FXYD5: variants seen among roughly 807,000 people sequenced by gnomAD.
FXYD5 encodes FXYD domain-containing ion transport regulator 5.
A neutral mutation model predicts 25.7 loss-of-function variants in FXYD5; 21 were observed. The ratio of observed to expected loss-of-function variants is 0.82; its 90% CI spans 0.58 to 1.18. FXYD5 has a LOEUF of 1.18. Ranked by LOEUF, FXYD5 falls within the 50% of genes most tolerant of loss-of-function variation. FXYD5 has a pLI of 0.00. For missense variants in FXYD5, 229 were observed against 227.7 expected (o/e 1.01, Z -0.04); for synonymous variants, 101 against 90.7 (o/e 1.11, Z -0.64).
intron 8 of FXYD5, among the ~76,000 whole-genome samples, chr19:35,166,943 G>T (rs1440951381): frequency 6.6e-6 from 1 of 152,288 alleles, no homozygotes; most frequent in East Asian, 1.9e-4. Context: ...CCCAGGCCTG[G>T]CAGGGAACAA....
chr19:35,169,229 C>G (rs1490757243), intron 8 of FXYD5, among the ~76,000 whole-genome samples: 1 of 152,184 alleles, frequency 6.6e-6, no homozygotes, highest in African/African-American at 2.4e-5. Context: ...TGTAATTTTT[C>G]TCCTTGTTGG....
rs190731984 is a variant in FXYD5, at chr19:35,159,440, C to T, written c.199+1040C>T. The T allele has an allele frequency of 7.5e-5, 115 of 1,525,952 alleles. No individual in the cohort carries two copies. The East Asian group carries it at 2.2e-3, about 29-fold the overall frequency. The allele number at this position is 1,525,952 out of a possible 1,614,324, so 94.5% of individuals were successfully genotyped here. A position where few individuals can be genotyped will look rare whatever the true frequency, so the allele number is the denominator to read the frequency against. The stretch of plus-strand genomic sequence containing the variant: ...AGCTTGCTTTGTTTCTTCGTGCAGT[C>T]GTATGTTTGGAAGTTCTTCTCACAT... On this transcript the variant is annotated intron_variant, in intron 4 of 8. Coordinates refer to ENST00000392219, the MANE Select transcript of FXYD5 (RefSeq NM_014164.6).
chr19:35,161,106 G>T, intron 5 of FXYD5, among the ~76,000 whole-genome samples: 1 of 152,110 alleles, frequency 6.6e-6, no homozygotes, highest in Non-Finnish European at 1.5e-5. Flanking sequence ...CTTTCTGTCA[G>T]TTCCCCTCGG....
In FXYD5 at chr19:35,163,900, G is replaced by C. The variant is rs985131852; in HGVS notation, c.293-256G>C. On this transcript the variant is annotated intron_variant, in intron 5 of 8. Coordinates refer to ENST00000392219, the MANE Select transcript of FXYD5 (RefSeq NM_014164.6). ...TTATAGTGTGGGCCAGAAGGTCCTAGGAGAGGGGTCTGGAGTCCCTCGGGG... is the reference window on the plus strand; with the variant it reads ...TTATAGTGTGGGCCAGAAGGTCCTACGAGAGGGGTCTGGAGTCCCTCGGGG... 4 of 1,139,944 alleles carry C rather than the reference G, an allele frequency of 3.5e-6. No individual in the cohort carries two copies. The African/African-American group carries it at 6.3e-5, about 18-fold the overall frequency. 70.6% of individuals were successfully genotyped at this position (1,139,944 alleles called of 1,614,324 possible).
chr19:35,160,912 A>C (rs2065399254), intron 5 of FXYD5, 111 bp downstream of exon 5: 1 of 682,352 alleles, frequency 1.5e-6, no homozygotes. Flanking sequence ...AATTGTTAAT[A>C]CATTTAAAAA....
intron 8 of FXYD5, among the ~76,000 whole-genome samples, chr19:35,168,354 AAGAGAGGGGTGGGG>A (rs1308405048): frequency 6.6e-6 from 1 of 152,284 alleles, no homozygotes; most frequent in East Asian, 1.9e-4. Flanking sequence ...AGTGACAGGG[AAGAGAGGGGTGGGG>A]AGAGAAGCCC....
At chr19:35,160,627 T>G in intron 4 of FXYD5, 82 bp from the exon 5 acceptor site, 32 of 922,794 alleles carry the variant, frequency 3.5e-5, no homozygotes, top group Non-Finnish European at 5.6e-5. Flanking sequence ...AATACAGACA[T>G]AAGCCACCGC....
chr19:35,157,717 T>G, intron 3 of FXYD5: 1 of 424,696 alleles, frequency 2.4e-6, no homozygotes, highest in South Asian at 2.3e-5. Flanking sequence ...GGCTTCATTT[T>G]CAGGAAGAGT....
intron 4 of FXYD5, chr19:35,159,664 G>C (rs1348254826): frequency 6.5e-7 from 1 of 1,539,488 alleles, no homozygotes. Context: ...CTGACTATGT[G>C]CTGGTCATGG....
intron 2 of FXYD5, 27 bp from the exon 3 acceptor site, chr19:35,157,394 C>G (rs772705594): frequency 7.4e-7 from 1 of 1,357,022 alleles, no homozygotes; most frequent in Non-Finnish European, 1.1e-6. Flanking sequence ...CAGGCTCCCT[C>G]CTGACTTCTC....
intron 6 of FXYD5, 77 bp downstream of exon 6, chr19:35,164,322 C>T: frequency 7.0e-7 from 1 of 1,421,844 alleles, no homozygotes; most frequent in Non-Finnish European, 9.7e-7. Flanking sequence ...GAGTACAGCC[C>T]AGCACAGAAT....
chr19:35,164,393 C>T (rs1371845954), intron 6 of FXYD5, 148 bp downstream of exon 6: 3 of 729,856 alleles, frequency 4.1e-6, no homozygotes, highest in Non-Finnish European at 6.6e-6. Flanking sequence ...AGGGTGGGCA[C>T]ATGATAAATG....
chr19:35,166,733 G>A, intron 8 of FXYD5: 1 of 251,106 alleles, frequency 4.0e-6, no homozygotes, highest in Non-Finnish European at 7.5e-6. Flanking sequence ...GCTCAGAACT[G>A]GCCATTATCA....
At chr19:35,156,230 A>G (rs1345977877) in intron 2 of FXYD5, among the ~76,000 whole-genome samples, 1 of 152,194 alleles carries the variant, frequency 6.6e-6, no homozygotes, top group Non-Finnish European at 1.5e-5. Flanking sequence ...GGAGGAGCTG[A>G]GAAAACAACT....
chr19:35,157,192 AAACT>A (rs1268574285), intron 2 of FXYD5, among the ~76,000 whole-genome samples: 1 of 152,146 alleles, frequency 6.6e-6, no homozygotes, highest in Non-Finnish European at 1.5e-5. Context: ...TCACTAGACT[AAACT>A]GACTTTCCCA....
intron 8 of FXYD5, among the ~76,000 whole-genome samples, chr19:35,168,268 C>CATCT (rs1172343299): frequency 1.3e-5 from 2 of 152,086 alleles, no homozygotes; most frequent in African/African-American, 4.8e-5. Flanking sequence ...CAGGAGCTCA[C>CATCT]ATCTGGTCGA....
Position 35,166,126 on chromosome 19 carries a change from T to C in FXYD5, c.383-16T>C, listed in dbSNP as rs1453577007. On this transcript the variant is annotated splice_polypyrimidine_tract_variant and intron_variant, in intron 6 of 8. Transcript: ENST00000392219. ...CCTTTGCTGAACCCTGACTTGCTCT[T>C]TGTCTGCCTCTCCAGGTTTTCATGA... is the stretch of plus-strand genomic sequence containing the variant. 2 of 1,613,490 alleles carry C rather than the reference T, an allele frequency of 1.2e-6. No homozygotes were observed. Among genetic ancestry groups the C allele is most frequent in the Non-Finnish European group, 1.7e-6 (2 of 1,179,762 alleles).
chr19:35,159,716 C>T, intron 4 of FXYD5: 2 of 1,453,058 alleles, frequency 1.4e-6, no homozygotes, highest in South Asian at 2.9e-5. Flanking sequence ...AACCTTCACG[C>T]AAACCCTAAG....
chr19:35,164,352 A>G (rs2065432934), intron 6 of FXYD5, 107 bp downstream of exon 6: 2 of 1,144,646 alleles, frequency 1.7e-6, no homozygotes, highest in South Asian at 3.3e-5. Context: ...TAAAGACGTG[A>G]TGGGAAAGTA....
Sources: gnomAD v4.1 joint callset for allele counts (sites outside exome capture counted in the v4.1 genomes callset) on GRCh38, gnomAD v4.1.1 for gene constraint, MANE v1.5 for transcripts, NCBI Gene and HGNC (gene_info 2026-07-23, HGNC 2026-07-21) for gene names.